PCBP3: variants seen among roughly 807,000 people sequenced by gnomAD.
PCBP3 encodes poly(rC) binding protein 3.
A neutral mutation model predicts 52.7 loss-of-function variants in PCBP3; 25 were observed. The ratio of observed to expected loss-of-function variants is 0.47; its 90% CI spans 0.35 to 0.66. The LOEUF (loss-of-function observed/expected upper bound fraction) is 0.66. Ranked by LOEUF, PCBP3 falls within the 30% of genes least tolerant of loss-of-function variation. The pLI, the probability that PCBP3 is intolerant of heterozygous loss-of-function variation, is 0.01. For synonymous variants in PCBP3, 162 were observed against 183.0 expected (o/e 0.89, Z 0.93); for missense variants, 391 against 490.3 (o/e 0.80, Z 1.91).
At chr21:45,680,773 A>G (rs2081790271) in intron 2 of PCBP3, among the ~76,000 whole-genome samples, 1 of 152,226 alleles carries the variant, frequency 6.6e-6, no homozygotes, top group Non-Finnish European at 1.5e-5. Flanking sequence ...GTTAGGGGAA[A>G]ATCATTCACT....
At chr21:45,911,307 A>G in intron 11 of PCBP3, 1 of 467,426 alleles carries the variant, frequency 2.1e-6, no homozygotes. Flanking sequence ...GGATTTGGGT[A>G]AGAAGTTGTC....
intron 2 of PCBP3, among the ~76,000 whole-genome samples, chr21:45,674,077 G>T (rs907773831): frequency 6.6e-6 from 1 of 152,054 alleles, no homozygotes; most frequent in Non-Finnish European, 1.5e-5. Context: ...ATTTTGTAAT[G>T]GAACCATGTT....
intron 5 of PCBP3, among the ~76,000 whole-genome samples, chr21:45,881,250 A>G (rs2095397807): frequency 6.6e-6 from 1 of 152,232 alleles, no homozygotes; most frequent in Non-Finnish European, 1.5e-5. Flanking sequence ...CCAGCCTTGC[A>G]TCACAGGAAG....
At chr21:45,807,087 A>G (rs2092529938) in intron 4 of PCBP3, among the ~76,000 whole-genome samples, 1 of 152,220 alleles carries the variant, frequency 6.6e-6, no homozygotes, top group Non-Finnish European at 1.5e-5. Flanking sequence ...ATATCACACG[A>G]ATGGGCAAAA....
At chr21:45,783,589 G>A (rs901186338) in intron 4 of PCBP3, among the ~76,000 whole-genome samples, 4 of 152,220 alleles carry the variant, frequency 2.6e-5, no homozygotes, top group Non-Finnish European at 5.9e-5. Flanking sequence ...GCACAGCGGA[G>A]TGAGAAGTTA....
intron 4 of PCBP3, among the ~76,000 whole-genome samples, chr21:45,842,149 G>A (rs74605149): frequency 0.016 from 2,493 of 152,282 alleles, 84 homozygotes; most frequent in African/African-American, 0.057. Context: ...TGAGATACTT[G>A]AGGACTTAGG....
At chr21:45,870,715 G>A (rs967534844) in intron 5 of PCBP3, 16 of 152,530 alleles carry the variant, frequency 1.0e-4, no homozygotes, top group African/African-American at 3.4e-4. Flanking sequence ...CGCCTGCCAC[G>A]CGACCGTGGG....
At chr21:45,723,484 TACTA>T (rs1164671159) in intron 2 of PCBP3, among the ~76,000 whole-genome samples, 2 of 152,394 alleles carry the variant, frequency 1.3e-5, no homozygotes, top group East Asian at 3.8e-4. Context: ...TAAGTTCATG[TACTA>T]ACTGACATTG....
At chr21:45,679,096 T>TA (rs1412727362) in intron 2 of PCBP3, among the ~76,000 whole-genome samples, 1 of 151,762 alleles carries the variant, frequency 6.6e-6, no homozygotes, top group African/African-American at 2.4e-5. Context: ...TTTTTTTTTT[T>TA]TTTTAGCAAT....
chr21:45,884,435 A>T (rs140356165), intron 5 of PCBP3, among the ~76,000 whole-genome samples: 1 of 152,332 alleles, frequency 6.6e-6, no homozygotes, highest in East Asian at 1.9e-4. Context: ...CTAAGTATAT[A>T]GCATATATAT....
At position 45,791,322 on chromosome 21, in the gene PCBP3, G is replaced by T. The variant is rs993874952; in HGVS notation, c.-126+35870G>T. 2.4e-4 allele frequency among the ~76,000 whole-genome samples: 36 copies of T among 152,352 alleles called. No individual in the cohort carries two copies. The highest frequency in any genetic ancestry group is 8.7e-4 in the African/African-American group (36 of 41,568). Reference sequence around the variant, plus strand: ...GAAGGCTGGGAGCATGGCCAGCCCAGGGAGTGAGTGTGGTCACTGGTGTGT... The same window carrying T: ...GAAGGCTGGGAGCATGGCCAGCCCATGGAGTGAGTGTGGTCACTGGTGTGT... On this transcript the variant is annotated intron_variant, in intron 4 of 17. Coordinates refer to ENST00000681687, the MANE Select transcript of PCBP3 (RefSeq NM_001384156.1). This position sits in a 1 kb window ranked among gnomAD's most constrained non-coding sequence, Gnocchi z 4.2.
At chr21:45,820,509 C>T (rs926835507) in intron 4 of PCBP3, among the ~76,000 whole-genome samples, 15 of 152,230 alleles carry the variant, frequency 9.9e-5, no homozygotes, top group African/African-American at 3.1e-4. Flanking sequence ...TTGGGTTCTG[C>T]GGGCCACACG....
chr21:45,941,762 G>T lies in PCBP3; in HGVS notation c.*56G>T. 1.4e-6 allele frequency: 2 copies of T among 1,459,560 alleles called. No homozygotes were observed. The highest frequency in any genetic ancestry group is 1.9e-6 in the Non-Finnish European group (2 of 1,058,616). 90.4% of individuals were successfully genotyped at this position (1,459,560 alleles called of 1,614,324 possible). ...CACCTGCCAGAGCCTAAGGCCCCCG[G>T]CTCTCGCACTCTGTACAGCCCACCT... On this transcript the variant is annotated 3_prime_UTR_variant, in exon 18 of 18. Transcript: ENST00000681687.
At chr21:45,930,625 G>A (rs1246419414) in intron 14 of PCBP3, among the ~76,000 whole-genome samples, 161 bp from the exon 15 acceptor site, 1 of 152,172 alleles carries the variant, frequency 6.6e-6, no homozygotes, top group African/African-American at 2.4e-5. Context: ...GTGCCTGGCA[G>A]CTAGGTGTCC....
intron 2 of PCBP3, among the ~76,000 whole-genome samples, chr21:45,700,688 G>A (rs1476818285): frequency 2.0e-5 from 3 of 152,132 alleles, no homozygotes; most frequent in Non-Finnish European, 4.4e-5. Flanking sequence ...CCGATACCAG[G>A]CAGTGAGATG....
At chr21:45,703,529 G>A (rs1483528271) in intron 2 of PCBP3, among the ~76,000 whole-genome samples, 2 of 152,216 alleles carry the variant, frequency 1.3e-5, no homozygotes, top group Non-Finnish European at 2.9e-5. Context: ...GTGGCTGGGA[G>A]AGGGTGAGTT....
At chr21:45,661,047 AAT>A (rs950654430) in intron 1 of PCBP3, among the ~76,000 whole-genome samples, 1 of 151,524 alleles carries the variant, frequency 6.6e-6, no homozygotes, top group Non-Finnish European at 1.5e-5. Context: ...TCTCAAAAAA[AAT>A]ATATATATAT....
intron 2 of PCBP3, among the ~76,000 whole-genome samples, chr21:45,723,750 G>A (rs756522096): frequency 2.4e-4 from 36 of 152,218 alleles, no homozygotes; most frequent in Admixed American, 4.6e-4. Context: ...TGCCAGGCCC[G>A]GGGTCGAGCT....
chr21:45,883,404 C>T (rs1008722952), intron 5 of PCBP3, among the ~76,000 whole-genome samples: 2 of 152,146 alleles, frequency 1.3e-5, no homozygotes. Flanking sequence ...TTCGTTAGGC[C>T]CCGTTGGTTG....
Sources: gnomAD v4.1 joint callset for allele counts (sites outside exome capture counted in the v4.1 genomes callset) on GRCh38, gnomAD v4.1.1 for gene constraint, Gnocchi (gnomAD v3.1) non-coding constraint, MANE v1.5 for transcripts, NCBI Gene and HGNC (gene_info 2026-07-23, HGNC 2026-07-21) for gene names.